TBCD: variants seen among roughly 807,000 people sequenced by gnomAD.
TBCD encodes tubulin-specific chaperone D.
TBCD carries 105 observed loss-of-function variants against 169.3 expected under a neutral mutation model. That is an observed-to-expected ratio of 0.62 (90% CI 0.53 to 0.73). The LOEUF is 0.73. TBCD is among the 30% of genes least tolerant of loss of function. The pLI is 0.00. For synonymous variants in TBCD, 700 were observed against 643.9 expected (o/e 1.09, Z -1.32); for missense variants, 1,444 against 1,600.1 (o/e 0.90, Z 1.66).
At chr17:82,913,072 C>T (rs1171847603) in intron 23 of TBCD, 7 of 152,288 alleles carry the variant, frequency 4.6e-5, no homozygotes, top group Admixed American at 3.9e-4. Flanking sequence ...ACCTTTCCGA[C>T]GTACCCATGG....
intron 14 of TBCD, among the ~76,000 whole-genome samples, chr17:82,879,583 G>A (rs72859941): frequency 0.27 from 41,343 of 151,978 alleles, 6,193 homozygotes; most frequent in Admixed American, 0.34. Flanking sequence ...GGTTCCCTCT[G>A]TGCTGGTCCG....
intron 13 of TBCD, chr17:82,830,407 A>ACGGCTG (rs776343194): frequency 1.4e-4 from 228 of 1,611,662 alleles, no homozygotes; most frequent in Non-Finnish European, 1.9e-4. Context: ...GCACAGGGCC[A>ACGGCTG]CGGCTGCCGT....
intron 13 of TBCD, among the ~76,000 whole-genome samples, chr17:82,844,617 T>C (rs2145517884): frequency 6.6e-6 from 1 of 152,232 alleles, no homozygotes; most frequent in African/African-American, 2.4e-5. Flanking sequence ...ACTTCCAGGC[T>C]CCTCCGTGGT....
At chr17:82,818,994 G>A (rs1386626963) in intron 13 of TBCD, among the ~76,000 whole-genome samples, 3 of 152,154 alleles carry the variant, frequency 2.0e-5, no homozygotes, top group Non-Finnish European at 4.4e-5. Context: ...GGAGGCAGAG[G>A]TTGCAGTGAA....
At chr17:82,942,037 G>C in intron 38 of TBCD, 1 of 292,602 alleles carries the variant, frequency 3.4e-6, no homozygotes, top group Non-Finnish European at 6.3e-6. Flanking sequence ...TGAGAGGGAG[G>C]AGGAGAACCA....
chr17:82,755,930 C>G (rs1446217079), intron 1 of TBCD, among the ~76,000 whole-genome samples: 2 of 152,048 alleles, frequency 1.3e-5, no homozygotes, highest in African/African-American at 4.8e-5. Flanking sequence ...GTGTGCCAAG[C>G]AAGTAAACTG....
At chr17:82,863,910 G>A (rs2056972818) in intron 13 of TBCD, among the ~76,000 whole-genome samples, 1 of 152,208 alleles carries the variant, frequency 6.6e-6, no homozygotes, top group South Asian at 2.1e-4. Flanking sequence ...ATAGAGTTGT[G>A]CTTCTCAAGC....
At chr17:82,843,635 A>G (rs569981375) in intron 13 of TBCD, among the ~76,000 whole-genome samples, 2 of 141,500 alleles carry the variant, frequency 1.4e-5, no homozygotes, top group East Asian at 4.2e-4. Flanking sequence ...CTCCCCATCC[A>G]GCTTAATCGT....
At chr17:82,845,824 G>A (rs918810476) in intron 13 of TBCD, among the ~76,000 whole-genome samples, 18 of 152,362 alleles carry the variant, frequency 1.2e-4, no homozygotes, top group Non-Finnish European at 2.4e-4. Flanking sequence ...GAACACCTGT[G>A]ATGAAGGAAG....
intron 2 of TBCD, among the ~76,000 whole-genome samples, chr17:82,762,612 G>A (rs1440169954): frequency 6.6e-6 from 1 of 152,012 alleles, no homozygotes; most frequent in African/African-American, 2.4e-5. Flanking sequence ...AGCCGGGTGT[G>A]GTGGCAGGTG....
chr17:82,858,940 G>A (rs1013193547), intron 13 of TBCD, among the ~76,000 whole-genome samples: 2 of 152,226 alleles, frequency 1.3e-5, no homozygotes, highest in South Asian at 4.2e-4. Flanking sequence ...GGCTCTCAGC[G>A]CCTCTGTGGG....
In TBCD at chr17:82,929,119, G is replaced by A. The variant is rs1373528556; in HGVS notation, c.2700G>A (p.Glu900=). The change falls in exon 31 of 39, where the codon GAG becomes GAA. Residue 900 remains glutamate, a synonymous_variant. Coordinates refer to ENST00000355528, the MANE Select transcript of TBCD (RefSeq NM_005993.5). ...TCCTGCTCTCGGTTTGCAGCTGTGA[G>A]CGCATCATGTGCTGTGTGGCCCAGC... ...QPELIEAHTC[E]RIMCCVAQQA... is the part of the protein sequence containing the mutation. The A allele has an allele frequency of 5.0e-6, 8 of 1,610,228 alleles. No individual in the cohort carries two copies. The African/African-American group carries it at 8.0e-5, about 16-fold the overall frequency.
chr17:82,853,511 C>T (rs1186415950), intron 13 of TBCD, among the ~76,000 whole-genome samples: 7 of 151,994 alleles, frequency 4.6e-5, no homozygotes, highest in East Asian at 1.9e-4. Context: ...AGATCCATCC[C>T]CTGACCTCAG....
rs2058294264 is a variant in TBCD, at chr17:82,880,717, C to T, written c.1476-3428C>T. Among the ~76,000 whole-genome samples, 1 of 152,170 alleles carries T rather than the reference C, an allele frequency of 6.6e-6. No homozygotes were observed. Among genetic ancestry groups the T allele is most frequent in the African/African-American group, 2.4e-5 (1 of 41,424 alleles). ...CTACCGCAGGCTCCCCACACAGTGA[C>T]ACCTGTCTGTCCGTCCGTCTGTCCA... is the stretch of plus-strand genomic sequence containing the variant. On this transcript the variant is annotated intron_variant, in intron 14 of 38. Transcript: ENST00000355528. This position sits in a 1 kb window ranked among gnomAD's most constrained non-coding sequence, Gnocchi z 5.0.
intron 6 of TBCD, among the ~76,000 whole-genome samples, chr17:82,773,954 C>T (rs1321692013): frequency 6.6e-6 from 1 of 151,708 alleles, no homozygotes; most frequent in Non-Finnish European, 1.5e-5. Flanking sequence ...TGGTCTCCAT[C>T]TCCTGACCTC....
At chr17:82,867,797 A>G (rs954571003) in intron 13 of TBCD, among the ~76,000 whole-genome samples, 2 of 152,202 alleles carry the variant, frequency 1.3e-5, no homozygotes, top group African/African-American at 4.8e-5. Context: ...AAGAAGTGAG[A>G]GATACTCTTG....
rs774593902 is a variant in TBCD at position 82,930,312 on chromosome 17, C to T, written c.2992-210C>T. On this transcript the variant is annotated intron_variant, in intron 32 of 38. Coordinates refer to ENST00000355528, the MANE Select transcript of TBCD (RefSeq NM_005993.5). This position sits in a 1 kb window ranked among gnomAD's most constrained non-coding sequence, Gnocchi z 5.2. ...TAAGTGAGGGCTCAGGCTGAGCTGC[C>T]GTTGCCGAGAGCCTTGTGTCTGCTT... 194 of 618,272 alleles carry T rather than the reference C, an allele frequency of 3.1e-4. 1 individual carries two copies. Among genetic ancestry groups the T allele is most frequent in the Middle Eastern group, 2.2e-3 (5 of 2,260 alleles). 38.3% of individuals were successfully genotyped at this position (618,272 alleles called of 1,614,324 possible).
At position 82,830,590 on chromosome 17, in the gene TBCD, G is replaced by A. The variant is rs576919069; in HGVS notation, c.1318+15656G>A. ...CTGTGGAACAGCAGCAGCAGGTTCTGCAGCTCGTGGTCGACCGGGGAAGGC... is the reference window on the plus strand; with the variant it reads ...CTGTGGAACAGCAGCAGCAGGTTCTACAGCTCGTGGTCGACCGGGGAAGGC... On this transcript the variant is annotated intron_variant, in intron 13 of 38. Coordinates refer to ENST00000355528, the MANE Select transcript of TBCD (RefSeq NM_005993.5). The A allele has an allele frequency of 1.5e-5, 24 of 1,614,054 alleles. 1 individual carries two copies. In the South Asian group the frequency reaches 2.2e-4, roughly 15 times the overall value.
intron 28 of TBCD, chr17:82,926,872 C>CG (rs1359456826): frequency 2.0e-6 from 1 of 501,362 alleles, no homozygotes; most frequent in Non-Finnish European, 3.6e-6. Context: ...AGCAGTCCCG[C>CG]GGGGGCCACG....
Sources: gnomAD v4.1 joint callset for allele counts (sites outside exome capture counted in the v4.1 genomes callset) on GRCh38, gnomAD v4.1.1 for gene constraint, Gnocchi (gnomAD v3.1) non-coding constraint, MANE v1.5 for transcripts, NCBI Gene and HGNC (gene_info 2026-07-23, HGNC 2026-07-21) for gene names.